Variants in POLR3F observed in about 807,000 individuals in gnomAD.
POLR3F encodes DNA-directed RNA polymerase III subunit RPC6.
A neutral mutation model predicts 43.6 loss-of-function variants in POLR3F; 31 were observed. The ratio of observed to expected loss-of-function variants is 0.71; its 90% confidence interval spans 0.53 to 0.96. The LOEUF is 0.96. Ranked by LOEUF, POLR3F falls within the 40% of genes least tolerant of loss-of-function variation. POLR3F has a pLI of 0.00. For synonymous variants in POLR3F, 114 were observed against 132.5 expected, an observed-to-expected ratio of 0.86 and a Z score of 0.96; for missense variants, 316 against 391.7, an observed-to-expected ratio of 0.81 and a Z score of 1.63.
chr20:18,468,807 A>G (rs1209302617), intron 1 of POLR3F, 137 bp from the exon 2 acceptor site: 1 of 616,312 alleles, frequency 1.6e-6, no homozygotes, highest in African/African-American at 1.8e-5. Context: ...GCTTTGATCC[A>G]AAACCATCAC....
chr20:18,476,671 T>C (rs1041367833), intron 5 of POLR3F, among the ~76,000 whole-genome samples: 59 of 152,372 alleles, frequency 3.9e-4, no homozygotes, highest in African/African-American at 1.3e-3. Flanking sequence ...AGTTGGAGTT[T>C]ATCAAAATTT....
chr20:18,473,590 T>C, intron 4 of POLR3F, 132 bp downstream of exon 4: 1 of 459,686 alleles, frequency 2.2e-6, no homozygotes. Context: ...CATACAAATA[T>C]AACATGCATG....
rs959805919 is a variant in POLR3F at position 18,484,604 on chromosome 20, C to G, written c.*1046C>G. The stretch of plus-strand genomic sequence containing the variant: ...AGCACCTTGATCTTGGACTTCTCAG[C>G]CTCCAGAATTGTGAGAAATAAATTT... On this transcript the variant is annotated 3_prime_UTR_variant, in exon 9 of 9. Transcript: ENST00000377603. 1 of 155,150 alleles carries G rather than the reference C, an allele frequency of 6.4e-6. No homozygotes were observed. Among genetic ancestry groups the G allele is most frequent in the African/African-American group, 2.4e-5 (1 of 41,536 alleles). 9.6% of individuals were successfully genotyped at this position (155,150 alleles called of 1,614,324 possible).
At chr20:18,471,951 C>G (rs2059754987) in intron 2 of POLR3F, among the ~76,000 whole-genome samples, 1 of 152,190 alleles carries the variant, frequency 6.6e-6, no homozygotes, top group South Asian at 2.1e-4. Context: ...CACGGCACAC[C>G]AGCCTGGGTG....
At position 18,480,170 on chromosome 20, in the gene POLR3F, C is replaced by T; in HGVS notation, c.562C>T (p.Leu188=). The T allele has an allele frequency of 6.2e-7, 1 of 1,612,252 alleles. No homozygotes were observed. Among genetic ancestry groups the T allele is most frequent in the South Asian group, 1.1e-5 (1 of 90,768 alleles). ...GCTTAACCAACAGTGTTTTAAATTC[C>T]TACAGTCCAAGGTGAGGTATGATTG... ...EVLNQQCFKF[L]QSKAETARES... The change falls in exon 6 of 9, where the codon CTA becomes TTA. Residue 188 remains leucine, a synonymous_variant. Coordinates refer to ENST00000377603, the MANE Select transcript of POLR3F (RefSeq NM_006466.4).
At chr20:18,471,064 A>T (rs958137443) in intron 2 of POLR3F, among the ~76,000 whole-genome samples, 2 of 152,034 alleles carry the variant, frequency 1.3e-5, no homozygotes, top group Admixed American at 6.6e-5. Flanking sequence ...TCTTAAATGC[A>T]GGTCTGACCA....
At chr20:18,472,138 TG>T (rs1237364128) in intron 2 of POLR3F, among the ~76,000 whole-genome samples, 1 of 152,236 alleles carries the variant, frequency 6.6e-6, no homozygotes, top group Non-Finnish European at 1.5e-5. Context: ...ACTTTTGATT[TG>T]CTATATAAAA....
In POLR3F at chr20:18,471,749, G is replaced by A. The variant is rs545838534; in HGVS notation, c.181-1093G>A. Among the ~76,000 whole-genome samples the A allele has an allele frequency of 1.3e-4, 20 of 152,338 alleles. No individual in the cohort carries two copies. The East Asian group carries it at 2.7e-3, about 21-fold the overall frequency. The stretch of plus-strand genomic sequence containing the variant: ...AGTAATCCCAGCACTTTGGGAGGCC[G>A]AGGTAGGCGGATCACTAGAGGCCAG... On this transcript the variant is annotated intron_variant, in intron 2 of 8. Coordinates refer to ENST00000377603, the MANE Select transcript of POLR3F (RefSeq NM_006466.4).
In POLR3F at chr20:18,473,411, AC is replaced by A. The variant is rs1378627190; in HGVS notation, c.271del (p.Gln91LysfsTer4). On this transcript the variant is annotated frameshift_variant, in exon 4 of 9. Coordinates refer to ENST00000377603, the MANE Select transcript of POLR3F (RefSeq NM_006466.4). LOFTEE classifies it high-confidence loss of function. ...TACAGTAAAATGAAGGGATCCGATA[AC>A]CAAGAAAAACTAGTATATCAAATCA... ...QNAGKMKGSD[N>X]QEKLVYQIIE... is the part of the protein sequence containing the mutation. 1.4e-6 allele frequency: 2 copies of A among 1,436,966 alleles called. No homozygotes were observed. The highest frequency in any genetic ancestry group is 2.0e-6 in the Non-Finnish European group (2 of 1,019,504). 89.0% of individuals were successfully genotyped at this position (1,436,966 alleles called of 1,614,324 possible). A position where few individuals can be genotyped will look rare whatever the true frequency, so the allele number is the denominator to read the frequency against.
Position 18,467,424 on chromosome 20 carries a change from C to G in POLR3F, c.-83C>G. ...CCCTCGGCCTCAGCAGAGCGCTATC[C>G]TCCACTGGTTCCCCGGGTTCCCCGG... On this transcript the variant is annotated 5_prime_UTR_variant, in exon 1 of 9. Transcript: ENST00000377603. The G allele has an allele frequency of 1.3e-6, 2 of 1,483,276 alleles. No homozygotes were observed. The highest frequency in any genetic ancestry group is 1.1e-5 in the South Asian group (1 of 88,148). The allele number at this position is 1,483,276 out of a possible 1,614,324, so 91.9% of individuals were successfully genotyped here.
chr20:18,469,823 A>G (rs746663110), intron 2 of POLR3F, among the ~76,000 whole-genome samples: 2 of 152,108 alleles, frequency 1.3e-5, no homozygotes, highest in Admixed American at 6.6e-5. Context: ...TTTGCTTCCT[A>G]CTGCTGGTGT....
At position 18,468,989 on chromosome 20, in the gene POLR3F, A is replaced by G. The variant is rs1262883582; in HGVS notation, c.108A>G (p.Gln36=). 1 of 1,594,046 alleles carries G rather than the reference A, an allele frequency of 6.3e-7. No individual in the cohort carries two copies. Among genetic ancestry groups the G allele is most frequent in the South Asian group, 1.1e-5 (1 of 90,694 alleles). The change falls in exon 2 of 9, where the codon CAA becomes CAG. Residue 36 remains glutamine (Q), a synonymous_variant. Coordinates refer to ENST00000377603, the MANE Select transcript of POLR3F (RefSeq NM_006466.4). ...AGTTCCCTCATGGAATCACAGACCA[A>G]GTAATTCAGAATGAAATGCCTCATA... ...CHQFPHGITD[Q]VIQNEMPHIE...
rs202076462 is a variant in POLR3F at position 18,481,639 on chromosome 20, C to T, written c.702C>T (p.Asp234=). 1.9e-6 allele frequency: 3 copies of T among 1,609,360 alleles called. No individual in the cohort carries two copies. Among genetic ancestry groups the T allele is most frequent in the Non-Finnish European group, 2.6e-6 (3 of 1,175,684 alleles). The part of the protein sequence containing the change: ...GISKVELSME[D]IETILNTLIY... The stretch of plus-strand genomic sequence containing the variant: ...TTTAGGTAGAGTTATCCATGGAAGA[C>T]ATTGAAACCATCCTGAATACACTCA... Residue 234 remains aspartate, a synonymous_variant, in exon 8 of 9, where the codon GAC becomes GAT. Transcript: ENST00000377603.
chr20:18,467,911 A>G (rs532096184), intron 1 of POLR3F, among the ~76,000 whole-genome samples: 132 of 152,176 alleles, frequency 8.7e-4, no homozygotes, highest in Non-Finnish European at 1.7e-3. Context: ...TTGTGAATAC[A>G]TGTTCTGATC....
In POLR3F at chr20:18,473,409, TA is replaced by T; in HGVS notation, c.269del (p.Asn90ThrfsTer5). The stretch of plus-strand genomic sequence containing the variant: ...ACTACAGTAAAATGAAGGGATCCGA[TA>T]ACCAAGAAAAACTAGTATATCAAAT... ...QNAGKMKGSDNQEKLVYQIIE... is the reference protein window; with the variant it reads ...QNAGKMKGSDXQEKLVYQIIE... On this transcript the variant is annotated frameshift_variant, in exon 4 of 9. Transcript: ENST00000377603. LOFTEE classifies it high-confidence loss of function. The T allele has an allele frequency of 7.0e-7, 1 of 1,429,202 alleles. No homozygotes were observed. Among genetic ancestry groups the T allele is most frequent in the Non-Finnish European group, 9.9e-7 (1 of 1,012,500 alleles). 88.5% of individuals were successfully genotyped at this position (1,429,202 alleles called of 1,614,324 possible).
intron 5 of POLR3F, among the ~76,000 whole-genome samples, chr20:18,479,507 A>C (rs971422312): frequency 6.6e-6 from 1 of 152,222 alleles, no homozygotes; most frequent in Non-Finnish European, 1.5e-5. Context: ...AAAGAAAAAA[A>C]AAAGTGCTAA....
At position 18,469,029 on chromosome 20, in the gene POLR3F, C is replaced by T. The variant is rs756434857; in HGVS notation, c.148C>T (p.Arg50Trp). The change falls in exon 2 of 9, where the codon CGG becomes TGG. Residue 50 changes from arginine (R) to tryptophan (W), a missense_variant. This residue lies in a region of POLR3F where 122 missense variants were observed against 133.8 expected (regional missense o/e 0.91). Coordinates refer to ENST00000377603, the MANE Select transcript of POLR3F (RefSeq NM_006466.4). ...AATGCCTCATATAGAAGCCCAGCAG[C>T]GGGCAGTAGCCATCAATAGGTTGTT... ...NEMPHIEAQQRAVAINRLLSM... is the reference protein window; with the variant it reads ...NEMPHIEAQQWAVAINRLLSM... 5 of 1,577,750 alleles carry T rather than the reference C, an allele frequency of 3.2e-6. No individual in the cohort carries two copies. Among genetic ancestry groups the T allele is most frequent in the Admixed American group, 1.7e-5 (1 of 59,988 alleles).
rs941014435 is a variant in POLR3F at position 18,467,731 on chromosome 20, G to A, written c.62+163G>A. On this transcript the variant is annotated intron_variant, in intron 1 of 8. Transcript: ENST00000377603. ...GACCCACTTGTTCCTTCCCATCCTGGGAGAGCAGAACTCAAGAAGTTCAAA... is the reference window on the plus strand; with the variant it reads ...GACCCACTTGTTCCTTCCCATCCTGAGAGAGCAGAACTCAAGAAGTTCAAA... 3 of 1,419,494 alleles carry A rather than the reference G, an allele frequency of 2.1e-6. No individual in the cohort carries two copies. In the Admixed American group the frequency reaches 7.8e-5, roughly 37 times the overall value. 87.9% of individuals were successfully genotyped at this position (1,419,494 alleles called of 1,614,324 possible). A position where few individuals can be genotyped will look rare whatever the true frequency, so the allele number is the denominator to read the frequency against.
chr20:18,482,579 A>C (rs993955448), intron 8 of POLR3F, among the ~76,000 whole-genome samples: 3 of 152,150 alleles, frequency 2.0e-5, no homozygotes, highest in Admixed American at 2.0e-4. Flanking sequence ...CCGGGATTCA[A>C]ACCCAGAGAT....
Sources: allele counts gnomAD v4.1 joint callset (sites outside exome capture counted in the v4.1 genomes callset), GRCh38; gene constraint gnomAD v4.1.1; regional missense constraint gnomAD v4.1.1; transcripts MANE v1.5; gene names NCBI Gene and HGNC (gene_info 2026-07-23, HGNC 2026-07-21).